KCNB2: variants seen among roughly 807,000 people sequenced by gnomAD.
KCNB2 encodes the protein potassium voltage-gated channel subfamily B member 2.
Under a neutral mutation model 61.5 loss-of-function variants are expected in KCNB2, and 15 were observed. That is an observed-to-expected ratio of 0.24 (90% CI 0.16 to 0.38). The LOEUF is 0.38. Ranked by LOEUF, KCNB2 falls within the 10% of genes least tolerant of loss-of-function variation. The pLI is 1.00. For missense variants in KCNB2, 828 were observed against 1,125.2 expected, an observed-to-expected ratio of 0.74 and a Z score of 3.78; for synonymous variants, 457 against 446.0, an observed-to-expected ratio of 1.02 and a Z score of -0.31.
intron 2 of KCNB2, among the ~76,000 whole-genome samples, chr8:72,888,405 A>G (rs535438227): frequency 2.0e-4 from 30 of 152,270 alleles, no homozygotes; most frequent in African/African-American, 7.2e-4. Flanking sequence ...GTCACCGCAC[A>G]TGGCCACAGT....
chr8:72,785,127 A>C (rs1808826333), intron 2 of KCNB2, among the ~76,000 whole-genome samples: 1 of 152,216 alleles, frequency 6.6e-6, no homozygotes, highest in Admixed American at 6.6e-5. Flanking sequence ...AAATAATTTG[A>C]GTAGATAATT....
intron 2 of KCNB2, among the ~76,000 whole-genome samples, chr8:72,598,850 G>C (rs1269564602): frequency 1.3e-5 from 2 of 152,172 alleles, no homozygotes; most frequent in Non-Finnish European, 2.9e-5. Context: ...ATTCACAATT[G>C]CTTCAAAGAG....
At chr8:72,637,367 G>A (rs1356221742) in intron 2 of KCNB2, among the ~76,000 whole-genome samples, 1 of 152,126 alleles carries the variant, frequency 6.6e-6, no homozygotes. Flanking sequence ...TTAGTTCATT[G>A]CTTTTATAAA....
chr8:72,638,136 T>C (rs943825103), intron 2 of KCNB2, among the ~76,000 whole-genome samples: 1 of 152,172 alleles, frequency 6.6e-6, no homozygotes, highest in Non-Finnish European at 1.5e-5. Context: ...AATTATCCCT[T>C]TCCCCCACCA....
chr8:72,785,422 A>G (rs1245141875), intron 2 of KCNB2, among the ~76,000 whole-genome samples: 2 of 152,178 alleles, frequency 1.3e-5, no homozygotes, highest in Admixed American at 6.6e-5. Flanking sequence ...CTTGGGAGTG[A>G]TGAGAGCCAT....
At chr8:72,791,644 T>A (rs1321856859) in intron 2 of KCNB2, among the ~76,000 whole-genome samples, 1 of 152,186 alleles carries the variant, frequency 6.6e-6, no homozygotes. Flanking sequence ...AAGGCCCTCC[T>A]TGGTGAAATA....
chr8:72,604,863 T>C (rs1433453279), intron 2 of KCNB2, among the ~76,000 whole-genome samples: 1 of 152,228 alleles, frequency 6.6e-6, no homozygotes, highest in Non-Finnish European at 1.5e-5. Flanking sequence ...TTTAATGAAC[T>C]ATCCATCAAT....
chr8:72,641,231 G>A (rs1319989609), intron 2 of KCNB2, among the ~76,000 whole-genome samples: 1 of 152,042 alleles, frequency 6.6e-6, no homozygotes, highest in African/African-American at 2.4e-5. Context: ...TGGTTCCACT[G>A]TTGATAATAC....
At chr8:72,690,985 G>A (rs770865185) in intron 2 of KCNB2, among the ~76,000 whole-genome samples, 28 of 152,126 alleles carry the variant, frequency 1.8e-4, no homozygotes, top group Non-Finnish European at 3.7e-4. Context: ...AAATACCCAC[G>A]GCTGCCCCTG....
chr8:72,770,902 T>C (rs977714800), intron 2 of KCNB2, among the ~76,000 whole-genome samples: 5 of 152,254 alleles, frequency 3.3e-5, no homozygotes, highest in Non-Finnish European at 5.9e-5. Context: ...ACATTCACCT[T>C]AAGCAACATA....
At chr8:72,785,437 G>A (rs999911931) in intron 2 of KCNB2, among the ~76,000 whole-genome samples, 4 of 152,048 alleles carry the variant, frequency 2.6e-5, no homozygotes, top group Admixed American at 6.6e-5. Context: ...AGCCATTGAG[G>A]AAATAATAAA....
At chr8:72,921,844 G>GC (rs1806526581) in intron 2 of KCNB2, among the ~76,000 whole-genome samples, 1 of 152,126 alleles carries the variant, frequency 6.6e-6, no homozygotes, top group Non-Finnish European at 1.5e-5. Context: ...TGGTTTTCCT[G>GC]CTGACTAAGG....
chr8:72,719,580 T>C (rs530781078), intron 2 of KCNB2, among the ~76,000 whole-genome samples: 40 of 152,262 alleles, frequency 2.6e-4, no homozygotes, highest in Admixed American at 8.5e-4. Context: ...GATTACCTCT[T>C]ACTTTTCTAT....
At chr8:72,667,709 G>A (rs1178578780) in intron 2 of KCNB2, among the ~76,000 whole-genome samples, 1 of 152,062 alleles carries the variant, frequency 6.6e-6, no homozygotes, top group Non-Finnish European at 1.5e-5. Context: ...TCTCCTGCGT[G>A]GCTCCCTGAA....
In KCNB2 at chr8:72,816,497, A is replaced by G. The variant is rs569843549; in HGVS notation, c.580-119438A>G. Among the ~76,000 whole-genome samples the G allele has an allele frequency of 5.9e-5, 9 of 152,364 alleles. No homozygotes were observed. The South Asian group carries it at 1.9e-3, about 32-fold the overall frequency. ...CAAGGTTTTGAAGCAGTTAGTCCAA[A>G]ATATGCACAAAATACAGCAATTTCT... On this transcript the variant is annotated intron_variant, in intron 2 of 2. Coordinates refer to ENST00000523207, the MANE Select transcript of KCNB2 (RefSeq NM_004770.3).
At chr8:72,734,665 CT>C (rs1045085902) in intron 2 of KCNB2, among the ~76,000 whole-genome samples, 2 of 152,174 alleles carry the variant, frequency 1.3e-5, no homozygotes, top group South Asian at 4.1e-4. Context: ...GCCATGCCCC[CT>C]GAATGTCTTC....
rs186555502 is a variant in KCNB2 at position 72,759,604 on chromosome 8, C to G, written c.580-176331C>G. Among the ~76,000 whole-genome samples the G allele has an allele frequency of 3.3e-5, 5 of 152,104 alleles. No individual in the cohort carries two copies. In the East Asian group the frequency reaches 9.7e-4, roughly 29 times the overall value. On this transcript the variant is annotated intron_variant, in intron 2 of 2. Transcript: ENST00000523207. ...TTAACCAAACTGCAACATGGCAGAT[C>G]CAGAATGCTGTGATCCACACTAACC...
At chr8:72,647,837 G>T (rs1274631192) in intron 2 of KCNB2, among the ~76,000 whole-genome samples, 1 of 152,146 alleles carries the variant, frequency 6.6e-6, no homozygotes, top group Non-Finnish European at 1.5e-5. Context: ...GGAAACAGAG[G>T]TTCTAACCTT....
intron 2 of KCNB2, among the ~76,000 whole-genome samples, chr8:72,651,393 T>G (rs2128986448): frequency 6.6e-6 from 1 of 152,270 alleles, no homozygotes; most frequent in Non-Finnish European, 1.5e-5. Context: ...GCATTTCAAT[T>G]AAGATGGTGT....
Sources: gnomAD v4.1 joint callset for allele counts (sites outside exome capture counted in the v4.1 genomes callset) on GRCh38, gnomAD v4.1.1 for gene constraint, MANE v1.5 for transcripts, NCBI Gene and HGNC (gene_info 2026-07-23, HGNC 2026-07-21) for gene names.